IQCM: variants seen among roughly 807,000 people sequenced by gnomAD.
IQCM encodes IQ domain-containing protein M.
IQCM carries 45 observed loss-of-function variants against 57.6 expected under a neutral mutation model. The ratio of observed to expected loss-of-function variants is 0.78; its 90% CI spans 0.62 to 1.00. The LOEUF (loss-of-function observed/expected upper bound fraction) is 1.00, where lower values mean the gene tolerates loss of function less well. Among genes scored for constraint, IQCM ranks in the 50% least tolerant of loss-of-function variants. The pLI, the probability that IQCM is intolerant of heterozygous loss-of-function variation, is 0.00. For synonymous variants in IQCM, 148 were observed against 158.9 expected (o/e 0.93, Z 0.51); for missense variants, 468 against 511.6 (o/e 0.91, Z 0.82).
intron 2 of IQCM, among the ~76,000 whole-genome samples, chr4:149,795,924 A>T (rs1276800777): frequency 6.6e-6 from 1 of 152,238 alleles, no homozygotes; most frequent in African/African-American, 2.4e-5. Context: ...ACCAGCAGTT[A>T]TACCCAGGAA....
intron 13 of IQCM, among the ~76,000 whole-genome samples, chr4:149,355,743 C>T (rs898277964): frequency 3.9e-5 from 6 of 152,174 alleles, no homozygotes; most frequent in Admixed American, 6.5e-5. Flanking sequence ...ATTTATAATC[C>T]TTTGGGTATA....
chr4:149,354,362 T>TAAAAAAAAAA, intron 13 of IQCM, among the ~76,000 whole-genome samples: 1 of 246 alleles, frequency 4.1e-3, no homozygotes. Flanking sequence ...AGACTCCGTC[T>TAAAAAAAAAA]CAAAAAAAAA....
chr4:149,464,561 C>T (rs1447887667), intron 12 of IQCM, among the ~76,000 whole-genome samples: 1 of 152,132 alleles, frequency 6.6e-6, no homozygotes, highest in African/African-American at 2.4e-5. Context: ...GGCATCATGC[C>T]TTGCTTACCA....
At chr4:149,801,043 T>G (rs968734415) in intron 2 of IQCM, among the ~76,000 whole-genome samples, 1 of 151,656 alleles carries the variant, frequency 6.6e-6, no homozygotes, top group Non-Finnish European at 1.5e-5. Context: ...TGGGCATTTT[T>G]GGGGCAAAAT....
rs549414575 is a variant in IQCM, at chr4:149,606,116, C to T, written c.681+15013G>A. Among the ~76,000 whole-genome samples, 4 of 152,260 alleles carry T rather than the reference C, an allele frequency of 2.6e-5. No individual in the cohort carries two copies. In the South Asian group the frequency reaches 8.3e-4, roughly 32 times the overall value. On this transcript the variant is annotated intron_variant, in intron 8 of 13. Transcript: ENST00000636793. ...GAAGCAAGGCAGTATTTGCTGTGGG[C>T]CTTGGGTGAAACCCAGTTCTGTGCT...
chr4:149,706,477 G>T (rs934702369), intron 5 of IQCM, among the ~76,000 whole-genome samples: 6 of 151,874 alleles, frequency 4.0e-5, no homozygotes, highest in African/African-American at 1.4e-4. Context: ...TCCTTCCATT[G>T]ATCACATCAG....
chr4:149,553,108 CT>C (rs1749189945), intron 11 of IQCM, 34 bp downstream of exon 11: 2 of 1,229,158 alleles, frequency 1.6e-6, no homozygotes, highest in Admixed American at 4.2e-5. Flanking sequence ...TAACTCCAAA[CT>C]TAAATTCAAA....
At chr4:149,494,039 CT>C (rs561059864) in intron 12 of IQCM, among the ~76,000 whole-genome samples, 506 of 142,458 alleles carry the variant, frequency 3.6e-3, no homozygotes, top group African/African-American at 0.01. Flanking sequence ...CAAGTCTTTT[CT>C]TTTTTTTTTT....
At chr4:149,423,375 C>CAG (rs1170813138) in intron 13 of IQCM, among the ~76,000 whole-genome samples, 2 of 151,978 alleles carry the variant, frequency 1.3e-5, no homozygotes, top group African/African-American at 4.8e-5. Flanking sequence ...CAATCGCCTC[C>CAG]CTCCCTGGAC....
chr4:149,690,776 T>A (rs1279544576), intron 5 of IQCM: 1 of 152,096 alleles, frequency 6.6e-6, no homozygotes, highest in African/African-American at 2.4e-5. Flanking sequence ...TTGTGAATTA[T>A]CTCATGTAAG....
At chr4:149,742,826 G>C in intron 2 of IQCM, 87 bp from the exon 3 acceptor site, 1 of 552,830 alleles carries the variant, frequency 1.8e-6, no homozygotes, top group Non-Finnish European at 2.7e-6. Flanking sequence ...TAAATAGGGT[G>C]AATGATTAAA....
chr4:149,441,549 G>A (rs2111333648), intron 12 of IQCM, among the ~76,000 whole-genome samples: 1 of 152,208 alleles, frequency 6.6e-6, no homozygotes, highest in Middle Eastern at 3.4e-3. Context: ...AAAGTAGCAT[G>A]GGTTAGCAGC....
chr4:149,733,246 T>C lies in IQCM; in HGVS notation c.383A>G (p.Lys128Arg). ...TCTTCACTCCACCAAAAACTTACCT[T>C]TTGTAATTAGATCTATGGGCCTGCA... The part of the protein sequence containing the change: ...ERCRPIDLIT[K>R]GQVKLDKIMT... Residue 128 changes from lysine to arginine, a missense_variant and splice_region_variant, in exon 5 of 14, where the codon AAA (lysine) becomes AGA (arginine). Coordinates refer to ENST00000636793, the MANE Select transcript of IQCM (RefSeq NM_001363507.2). The C allele has an allele frequency of 8.1e-7, 1 of 1,231,668 alleles. No individual in the cohort carries two copies. Among genetic ancestry groups the C allele is most frequent in the Non-Finnish European group, 1.0e-6 (1 of 987,622 alleles). 76.3% of individuals were successfully genotyped at this position (1,231,668 alleles called of 1,614,324 possible).
intron 2 of IQCM, among the ~76,000 whole-genome samples, chr4:149,796,049 G>C (rs948653389): frequency 6.6e-6 from 1 of 152,146 alleles, no homozygotes; most frequent in Non-Finnish European, 1.5e-5. Flanking sequence ...GAAAAGCAGA[G>C]GGAAAAGTAA....
intron 12 of IQCM, among the ~76,000 whole-genome samples, chr4:149,490,020 C>T (rs192555893): frequency 2.8e-4 from 42 of 152,030 alleles, no homozygotes; most frequent in Admixed American, 2.7e-3. Flanking sequence ...TCTGATTTTG[C>T]ATTTTACTGA....
intron 5 of IQCM, among the ~76,000 whole-genome samples, chr4:149,717,162 A>C (rs1765074055): frequency 6.6e-6 from 1 of 152,172 alleles, no homozygotes; most frequent in Non-Finnish European, 1.5e-5. Flanking sequence ...CTGAGTTGGG[A>C]GTTGTGGAAA....
chr4:149,754,309 G>A (rs1156655816), intron 2 of IQCM, among the ~76,000 whole-genome samples: 1 of 152,100 alleles, frequency 6.6e-6, no homozygotes, highest in Non-Finnish European at 1.5e-5. Flanking sequence ...CAACATTAAA[G>A]CCCCTCCCCG....
intron 13 of IQCM, among the ~76,000 whole-genome samples, chr4:149,412,912 G>C (rs1265795829): frequency 6.6e-6 from 1 of 152,112 alleles, no homozygotes; most frequent in Non-Finnish European, 1.5e-5. Flanking sequence ...GTGGCAAGGA[G>C]GTAGGAGAGT....
chr4:149,386,162 A>G (rs992872636), intron 13 of IQCM, among the ~76,000 whole-genome samples: 4 of 152,064 alleles, frequency 2.6e-5, no homozygotes, highest in African/African-American at 9.7e-5. Flanking sequence ...TGCACCTGTA[A>G]TTTACTATTA....
Sources: gnomAD v4.1 joint callset for allele counts (sites outside exome capture counted in the v4.1 genomes callset) on GRCh38, gnomAD v4.1.1 for gene constraint, MANE v1.5 for transcripts, NCBI Gene and HGNC (gene_info 2026-07-23, HGNC 2026-07-21) for gene names.